The following C8orf34 variants were observed in gnomAD, a reference collection of about 807,000 sequenced individuals.
The protein encoded by C8orf34 is chromosome 8 open reading frame 34.
Under a neutral mutation model 68.3 loss-of-function variants are expected in C8orf34, and 65 were observed. That is an observed-to-expected ratio of 0.95 (90% CI 0.78 to 1.17). The LOEUF (loss-of-function observed/expected upper bound fraction) is 1.17. C8orf34 is among the 50% of genes most tolerant of loss of function. C8orf34 has a pLI of 0.00. For missense variants in C8orf34, 664 were observed against 655.4 expected (o/e 1.01, Z -0.14); for synonymous variants, 244 against 241.2 (o/e 1.01, Z -0.11).
chr8:68,617,541 T>G (rs1353879562), intron 7 of C8orf34, among the ~76,000 whole-genome samples: 1 of 152,208 alleles, frequency 6.6e-6, no homozygotes, highest in African/African-American at 2.4e-5. Context: ...CCTTCACTTA[T>G]GAAGCTTAGT....
At chr8:68,684,244 G>A (rs1353773802) in intron 8 of C8orf34, among the ~76,000 whole-genome samples, 1 of 152,068 alleles carries the variant, frequency 6.6e-6, no homozygotes, top group African/African-American at 2.4e-5. Flanking sequence ...CTGTGGGCCT[G>A]GGATGTCTGC....
chr8:68,666,604 G>A (rs1402698662), intron 8 of C8orf34, among the ~76,000 whole-genome samples: 2 of 152,160 alleles, frequency 1.3e-5, no homozygotes, highest in Non-Finnish European at 1.5e-5. Context: ...CACAACATAA[G>A]GAAGTGGCCT....
intron 3 of C8orf34, among the ~76,000 whole-genome samples, chr8:68,449,260 A>G (rs1393529062): frequency 6.6e-6 from 1 of 152,178 alleles, no homozygotes; most frequent in African/African-American, 2.4e-5. Context: ...GGTTTATAAC[A>G]AATCACGCCA....
intron 7 of C8orf34, among the ~76,000 whole-genome samples, chr8:68,601,448 T>G (rs1048980633): frequency 1.8e-4 from 27 of 152,244 alleles, no homozygotes; most frequent in African/African-American, 5.5e-4. Flanking sequence ...TTAGTTAAAT[T>G]TTATTGCTCT....
Position 68,774,944 on chromosome 8 carries a change from TAA to T in C8orf34, c.1405-1433_1405-1432del, listed in dbSNP as rs1224756627. The stretch of plus-strand genomic sequence containing the variant: ...CAACATGATGAAACCCTGTCTCCAC[TAA>T]AAAAAAAAAAAAAAAAAAAAATTAG... On this transcript the variant is annotated intron_variant, in intron 10 of 13. Coordinates refer to ENST00000518698, the MANE Select transcript of C8orf34 (RefSeq NM_052958.4). 9.0e-4 allele frequency among the ~76,000 whole-genome samples: 40 copies of T among 44,674 alleles called. 2 individuals are homozygous for T. The highest frequency in any genetic ancestry group is 0.019 in the Middle Eastern group (1 of 52). The allele number at this position is 44,674 out of a possible 152,430, so 29.3% of individuals were successfully genotyped here.
intron 10 of C8orf34, among the ~76,000 whole-genome samples, chr8:68,751,829 T>G (rs1234824349): frequency 2.6e-5 from 4 of 151,210 alleles, no homozygotes; most frequent in African/African-American, 9.7e-5. Flanking sequence ...TTTGGGAAAT[T>G]AATAGTAAAA....
chr8:68,707,650 A>T (rs1459662707), intron 8 of C8orf34, among the ~76,000 whole-genome samples: 1 of 152,092 alleles, frequency 6.6e-6, no homozygotes, highest in African/African-American at 2.4e-5. Flanking sequence ...ATCATGGCTC[A>T]CTGCAGACTC....
intron 7 of C8orf34, among the ~76,000 whole-genome samples, chr8:68,602,792 C>T (rs1473598651): frequency 2.6e-5 from 4 of 152,008 alleles, no homozygotes; most frequent in Non-Finnish European, 5.9e-5. Context: ...AAGACCATTT[C>T]CCCGTTGGCC....
At chr8:68,372,771 G>A (rs1807617507) in intron 1 of C8orf34, among the ~76,000 whole-genome samples, 1 of 151,960 alleles carries the variant, frequency 6.6e-6, no homozygotes, top group South Asian at 2.1e-4. Flanking sequence ...CCTCCGACAG[G>A]CCCCAGTGTG....
intron 10 of C8orf34, among the ~76,000 whole-genome samples, chr8:68,734,912 ACAG>A (rs1198604901): frequency 1.3e-5 from 2 of 152,206 alleles, no homozygotes; most frequent in Non-Finnish European, 2.9e-5. Context: ...TGAATGGCCC[ACAG>A]CTCTCCTAGA....
chr8:68,791,600 A>G (rs1487425837), intron 12 of C8orf34: 1 of 152,274 alleles, frequency 6.6e-6, no homozygotes, highest in African/African-American at 2.4e-5. Context: ...CAACCAAACC[A>G]AACCAAACCA....
At chr8:68,494,610 C>A (rs1813444967) in intron 5 of C8orf34, among the ~76,000 whole-genome samples, 1 of 152,146 alleles carries the variant, frequency 6.6e-6, no homozygotes, top group Admixed American at 6.5e-5. Context: ...AATCCCAGCA[C>A]TTTGGTAGGC....
At chr8:68,575,777 G>A (rs1816883073) in intron 7 of C8orf34, among the ~76,000 whole-genome samples, 1 of 151,664 alleles carries the variant, frequency 6.6e-6, no homozygotes, top group South Asian at 2.1e-4. Context: ...TGTGGTTCCT[G>A]GTTTTCAGTA....
chr8:68,748,967 G>A (rs1822607073), intron 10 of C8orf34, among the ~76,000 whole-genome samples: 1 of 152,038 alleles, frequency 6.6e-6, no homozygotes, highest in South Asian at 2.1e-4. Context: ...ATTCACAATA[G>A]CAAAGACTTG....
At chr8:68,351,140 G>T (rs1316843460) in intron 1 of C8orf34, among the ~76,000 whole-genome samples, 4 of 151,972 alleles carry the variant, frequency 2.6e-5, no homozygotes, top group Non-Finnish European at 4.4e-5. Flanking sequence ...AAGGTCTCTT[G>T]TAAGGCAGGT....
rs555940139 is a variant in C8orf34 at position 68,705,473 on chromosome 8, C to T, written c.1242-3521C>T. 7.2e-5 allele frequency among the ~76,000 whole-genome samples: 11 copies of T among 152,132 alleles called. No individual in the cohort carries two copies. The East Asian group carries it at 1.4e-3, about 19-fold the overall frequency. On this transcript the variant is annotated intron_variant, in intron 8 of 13. Coordinates refer to ENST00000518698, the MANE Select transcript of C8orf34 (RefSeq NM_052958.4). ...AGCCTTAAGAACAAATAGAGGTTAACGCAAGGTCAAATAAAGACAACAGAT... is the reference window on the plus strand; with the variant it reads ...AGCCTTAAGAACAAATAGAGGTTAATGCAAGGTCAAATAAAGACAACAGAT...
chr8:68,480,265 T>A (rs1812802850), intron 4 of C8orf34, among the ~76,000 whole-genome samples: 1 of 152,194 alleles, frequency 6.6e-6, no homozygotes. Flanking sequence ...CTTTTGGTTC[T>A]TCCTCATTTT....
rs185480919 is a variant in C8orf34, at chr8:68,431,806, T to C, written c.328-7693T>C. Reference sequence around the variant, plus strand: ...TTGAAAGTAGAGAGAATTCAGTGTCTATGATTCAGCTTTACAATTTAGAAT... The same window carrying C: ...TTGAAAGTAGAGAGAATTCAGTGTCCATGATTCAGCTTTACAATTTAGAAT... On this transcript the variant is annotated intron_variant, in intron 1 of 13. Coordinates refer to ENST00000518698, the MANE Select transcript of C8orf34 (RefSeq NM_052958.4). 2.1e-3 allele frequency among the ~76,000 whole-genome samples: 327 copies of C among 152,336 alleles called. 1 individual carries two copies. The highest frequency in any genetic ancestry group is 7.5e-3 in the African/African-American group (310 of 41,578).
At chr8:68,521,997 C>G (rs370986500) in intron 6 of C8orf34, 26 bp downstream of exon 6, 11 of 1,592,164 alleles carry the variant, frequency 6.9e-6, no homozygotes, top group Non-Finnish European at 8.6e-6. Context: ...TGCTGAGATT[C>G]TATATTACTA....
Sources: allele counts gnomAD v4.1 joint callset (sites outside exome capture counted in the v4.1 genomes callset), GRCh38; gene constraint gnomAD v4.1.1; transcripts MANE v1.5; gene names NCBI Gene and HGNC (gene_info 2026-07-23, HGNC 2026-07-21).